IMMP2L: variants seen among roughly 807,000 people sequenced by gnomAD.
The protein encoded by IMMP2L is inner mitochondrial membrane peptidase subunit 2, also known as mitochondrial inner membrane protease subunit 2.
Under a neutral mutation model 19.3 loss-of-function variants are expected in IMMP2L, and 18 were observed. The ratio of observed to expected loss-of-function variants is 0.93; its 90% CI spans 0.64 to 1.38. IMMP2L has a LOEUF of 1.38. Ranked by LOEUF, IMMP2L falls within the 40% of genes most tolerant of loss-of-function variation. The probability of loss-of-function intolerance (pLI) is 0.00; values close to 1 mark genes in which losing one functional copy is unlikely to be tolerated. For missense variants in IMMP2L, 233 were observed against 218.2 expected (o/e 1.07, Z -0.43); for synonymous variants, 76 against 73.0 (o/e 1.04, Z -0.21).
In IMMP2L at chr7:110,792,442, C is replaced by T. The variant is rs149450029; in HGVS notation, c.408+94151G>A. 4.7e-5 allele frequency among the ~76,000 whole-genome samples: 7 copies of T among 149,492 alleles called. No homozygotes were observed. In the East Asian group the frequency reaches 1.4e-3, roughly 29 times the overall value. On this transcript the variant is annotated intron_variant, in intron 5 of 5. Transcript: ENST00000405709. Reference sequence around the variant, plus strand: ...TTCCAGACCCTGCCACTTGGTTGATCTCTTGATAGTCACTGAGACTAAACA... The same window carrying T: ...TTCCAGACCCTGCCACTTGGTTGATTTCTTGATAGTCACTGAGACTAAACA...
chr7:111,156,480 T>C (rs1049193577), intron 3 of IMMP2L, among the ~76,000 whole-genome samples: 3 of 152,146 alleles, frequency 2.0e-5, no homozygotes, highest in African/African-American at 7.2e-5. Context: ...CTGGTTACTC[T>C]TGGGCGTTTG....
chr7:110,942,407 T>C lies in IMMP2L; in HGVS notation c.305+21093A>G, dbSNP rs1758317752. On this transcript the variant is annotated intron_variant, in intron 4 of 5. Coordinates refer to ENST00000405709, the MANE Select transcript of IMMP2L (RefSeq NM_032549.4). ...AGCTTTCTTTTTCATGTACAAAGCA[T>C]ATCTGTCTAGTTTTACGAACTTGGT... Among the ~76,000 whole-genome samples, 4 of 152,094 alleles carry C rather than the reference T, an allele frequency of 2.6e-5. 1 individual carries two copies. Among genetic ancestry groups the C allele is most frequent in the Admixed American group, 1.3e-4 (2 of 15,104 alleles).
At chr7:110,802,899 G>A (rs910065099) in intron 5 of IMMP2L, among the ~76,000 whole-genome samples, 1 of 152,078 alleles carries the variant, frequency 6.6e-6, no homozygotes, top group South Asian at 2.1e-4. Context: ...TCTGTTTAAG[G>A]ATAACTCTAG....
chr7:110,714,996 G>A (rs547341410), intron 5 of IMMP2L, among the ~76,000 whole-genome samples: 12 of 152,082 alleles, frequency 7.9e-5, no homozygotes, highest in African/African-American at 2.4e-4. Flanking sequence ...TTTCAATTTC[G>A]GGAGGTTGTG....
At chr7:111,444,864 T>C (rs1838148035) in intron 3 of IMMP2L, among the ~76,000 whole-genome samples, 1 of 152,132 alleles carries the variant, frequency 6.6e-6, no homozygotes, top group South Asian at 2.1e-4. Flanking sequence ...GGAAGGTCTG[T>C]CCCTTCCTAC....
chr7:111,276,874 AC>A (rs1307622348), intron 3 of IMMP2L, among the ~76,000 whole-genome samples: 4 of 152,140 alleles, frequency 2.6e-5, no homozygotes, highest in African/African-American at 7.2e-5. Flanking sequence ...GGAAAATGCC[AC>A]CTTATTTAAT....
intron 5 of IMMP2L, among the ~76,000 whole-genome samples, chr7:110,685,245 C>T (rs891830807): frequency 1.3e-5 from 2 of 152,064 alleles, no homozygotes; most frequent in South Asian, 4.1e-4. Context: ...CCACAAAGAG[C>T]GCAAGCTTTG....
intron 3 of IMMP2L, among the ~76,000 whole-genome samples, chr7:111,045,443 A>G (rs1436416507): frequency 6.6e-6 from 1 of 152,206 alleles, no homozygotes; most frequent in Non-Finnish European, 1.5e-5. Context: ...AAGATCATTT[A>G]AAAACACAAA....
chr7:110,858,346 G>T (rs901432159), intron 5 of IMMP2L, among the ~76,000 whole-genome samples: 3 of 152,134 alleles, frequency 2.0e-5, no homozygotes, highest in African/African-American at 4.8e-5. Context: ...CCTAAAAACT[G>T]CAGGGAGATG....
chr7:111,467,331 A>C (rs1840769088), intron 3 of IMMP2L, among the ~76,000 whole-genome samples: 1 of 152,180 alleles, frequency 6.6e-6, no homozygotes, highest in African/African-American at 2.4e-5. Flanking sequence ...TAAGCTCTTA[A>C]AAACTTTTAG....
intron 3 of IMMP2L, chr7:111,394,949 G>A: frequency 8.3e-6 from 2 of 240,188 alleles, no homozygotes; most frequent in South Asian, 7.7e-5. Flanking sequence ...GAAGTGGCAA[G>A]GGTCTTTCTG....
At chr7:110,792,013 T>A (rs1013426355) in intron 5 of IMMP2L, among the ~76,000 whole-genome samples, 8 of 151,874 alleles carry the variant, frequency 5.3e-5, no homozygotes, top group Admixed American at 5.2e-4. Flanking sequence ...TATTCTTGCA[T>A]CTTACCCTTC....
intron 5 of IMMP2L, among the ~76,000 whole-genome samples, chr7:110,693,344 C>T (rs1793643929): frequency 6.6e-6 from 1 of 152,150 alleles, no homozygotes; most frequent in Non-Finnish European, 1.5e-5. Flanking sequence ...ATTTCATTAG[C>T]CCCCTAAATG....
intron 3 of IMMP2L, among the ~76,000 whole-genome samples, chr7:111,106,350 G>A (rs866375497): frequency 5.9e-5 from 9 of 151,920 alleles, no homozygotes; most frequent in African/African-American, 2.2e-4. Context: ...TCTGATGTGG[G>A]AAGGTCAACT....
chr7:110,831,233 A>G (rs1803944317), intron 5 of IMMP2L, among the ~76,000 whole-genome samples: 1 of 151,814 alleles, frequency 6.6e-6, no homozygotes, highest in African/African-American at 2.4e-5. Context: ...CTTCTACCTC[A>G]TCTTTCTTCT....
chr7:111,166,261 T>A (rs1423388770), intron 3 of IMMP2L, among the ~76,000 whole-genome samples: 2 of 152,024 alleles, frequency 1.3e-5, no homozygotes, highest in Admixed American at 6.6e-5. Flanking sequence ...AGTCTCTACA[T>A]AGATTTAAAT....
chr7:111,010,645 T>C (rs1258587989), intron 3 of IMMP2L, among the ~76,000 whole-genome samples: 1 of 152,144 alleles, frequency 6.6e-6, no homozygotes, highest in African/African-American at 2.4e-5. Flanking sequence ...ACAACTATTT[T>C]GCACAGAAAG....
intron 5 of IMMP2L, among the ~76,000 whole-genome samples, chr7:110,706,933 G>C (rs1300457717): frequency 6.6e-6 from 1 of 151,236 alleles, no homozygotes; most frequent in Non-Finnish European, 1.5e-5. Context: ...TTGATACCCA[G>C]AATGATGTTT....
At chr7:111,217,097 G>GTCTCTC (rs34795971) in intron 3 of IMMP2L, among the ~76,000 whole-genome samples, 12 of 126,812 alleles carry the variant, frequency 9.5e-5, no homozygotes, top group African/African-American at 3.4e-4. Flanking sequence ...CTCTCCCTCC[G>GTCTCTC]TCTCTCTCTC....
Sources: allele counts gnomAD v4.1 joint callset (sites outside exome capture counted in the v4.1 genomes callset), GRCh38; gene constraint gnomAD v4.1.1; transcripts MANE v1.5; gene names NCBI Gene and HGNC (gene_info 2026-07-23, HGNC 2026-07-21).